MYO9A: variants seen among roughly 807,000 people sequenced by gnomAD.
MYO9A encodes the protein unconventional myosin-IXa.
Under a neutral mutation model 293.3 loss-of-function variants are expected in MYO9A, and 103 were observed. The observed-to-expected ratio is 0.35, with a 90% CI of 0.30 to 0.41. The LOEUF is 0.41. Ranked by LOEUF, MYO9A falls within the 10% of genes least tolerant of loss-of-function variation. The pLI, the probability that MYO9A is intolerant of heterozygous loss-of-function variation, is 1.00. For synonymous variants in MYO9A, 1,001 were observed against 1,035.7 expected (o/e 0.97, Z 0.64); for missense variants, 2,685 against 3,033.0 (o/e 0.89, Z 2.69).
chr15:71,832,351 T>A (rs2054762503), intron 39 of MYO9A, among the ~76,000 whole-genome samples: 1 of 151,874 alleles, frequency 6.6e-6, no homozygotes, highest in African/African-American at 2.4e-5. Flanking sequence ...ACCTAGGAAT[T>A]TAAGAAAGCC....
At chr15:72,030,949 C>G (rs1187921776) in intron 3 of MYO9A, among the ~76,000 whole-genome samples, 1 of 152,200 alleles carries the variant, frequency 6.6e-6, no homozygotes, top group East Asian at 1.9e-4. Context: ...GGCTACGCAG[C>G]AGGAGGTAAG....
At chr15:72,074,951 C>CTTTTTTTTTTTTTTTT (rs750462703) in intron 1 of MYO9A, among the ~76,000 whole-genome samples, 6 of 53,110 alleles carry the variant, frequency 1.1e-4, no homozygotes, top group Admixed American at 3.6e-4. Flanking sequence ...TTTTCACTGC[C>CTTTTTTTTTTTTTTTT]TTTTTTTTTT....
chr15:72,023,785 A>C (rs562286438), intron 4 of MYO9A, among the ~76,000 whole-genome samples: 1 of 152,166 alleles, frequency 6.6e-6, no homozygotes, highest in Non-Finnish European at 1.5e-5. Context: ...AGAATACTTG[A>C]AAAAACAATT....
chr15:71,925,362 T>TATAC (rs1404003232), intron 18 of MYO9A, among the ~76,000 whole-genome samples: 1 of 151,208 alleles, frequency 6.6e-6, no homozygotes, highest in Non-Finnish European at 1.5e-5. Context: ...TACATGTATA[T>TATAC]ATACATATAT....
Position 72,008,059 on chromosome 15 carries a change from G to C in MYO9A, c.1254-107C>G, listed in dbSNP as rs989531323. On this transcript the variant is annotated intron_variant, in intron 7 of 41. Transcript: ENST00000356056. ...TTAACCTACAAATATGAAGTATTTAGTCTTTGGAAAATAAGCAATATGGGA... is the reference window on the plus strand; with the variant it reads ...TTAACCTACAAATATGAAGTATTTACTCTTTGGAAAATAAGCAATATGGGA... 7 of 1,336,556 alleles carry C rather than the reference G, an allele frequency of 5.2e-6. No individual in the cohort carries two copies. In the African/African-American group the frequency reaches 1.0e-4, roughly 20 times the overall value. The allele number at this position is 1,336,556 out of a possible 1,614,324, so 82.8% of individuals were successfully genotyped here.
chr15:71,869,292 T>C (rs577309694), intron 32 of MYO9A, among the ~76,000 whole-genome samples: 47 of 152,304 alleles, frequency 3.1e-4, no homozygotes, highest in African/African-American at 1.1e-3. Flanking sequence ...AGATATCATA[T>C]ATCTCCTGAT....
At chr15:71,856,792 G>T (rs866111165) in intron 34 of MYO9A, among the ~76,000 whole-genome samples, 21 of 152,128 alleles carry the variant, frequency 1.4e-4, no homozygotes, top group Non-Finnish European at 2.9e-4. Context: ...GTCTAAGGCA[G>T]AATAGGACAC....
intron 1 of MYO9A, among the ~76,000 whole-genome samples, chr15:72,082,662 T>C (rs769236322): frequency 6.6e-6 from 1 of 152,018 alleles, no homozygotes; most frequent in Non-Finnish European, 1.5e-5. Context: ...TGCAGTATGA[T>C]GTTGGCTGTG....
At position 72,026,295 on chromosome 15, in the gene MYO9A, A is replaced by G. The variant is rs1161558981; in HGVS notation, c.998+1436T>C. Among the ~76,000 whole-genome samples, 78 of 118,220 alleles carry G rather than the reference A, an allele frequency of 6.6e-4. 3 individuals are homozygous for G. The South Asian group carries it at 0.019, about 28-fold the overall frequency. 77.6% of individuals were successfully genotyped at this position (118,220 alleles called of 152,430 possible). On this transcript the variant is annotated intron_variant, in intron 4 of 41. Coordinates refer to ENST00000356056, the MANE Select transcript of MYO9A (RefSeq NM_006901.4). Reference sequence around the variant, plus strand: ...CTCAAGAAAAAAAAAAAAAAAAAAAAAGAAAGAAAAGAAATCACATTTCCA... The same window carrying G: ...CTCAAGAAAAAAAAAAAAAAAAAAAGAGAAAGAAAAGAAATCACATTTCCA...
intron 29 of MYO9A, 104 bp from the exon 30 acceptor site, chr15:71,879,941 T>A (rs2142466057): frequency 1.3e-6 from 1 of 783,474 alleles, no homozygotes; most frequent in Non-Finnish European, 2.1e-6. Flanking sequence ...GTCCTCAAAG[T>A]GCAAGCCACA....
chr15:71,959,887 T>C lies in MYO9A; in HGVS notation c.2182+14A>G. 1.3e-6 allele frequency: 2 copies of C among 1,512,198 alleles called. No homozygotes were observed. Among genetic ancestry groups the C allele is most frequent in the Non-Finnish European group, 1.8e-6 (2 of 1,094,468 alleles). 93.7% of individuals were successfully genotyped at this position (1,512,198 alleles called of 1,614,324 possible). ...AAGATGAAGTATGGTAGAATACTAA[T>C]AACTACTACTTACCAGTTTTTCTGT... On this transcript the variant is annotated intron_variant, in intron 14 of 41. Transcript: ENST00000356056.
chr15:71,880,428 C>T lies in MYO9A; in HGVS notation c.5529G>A (p.Val1843=). Reference sequence around the variant, plus strand: ...TTTGCCAATGCATAGAATCCAAAGCCACGTTGCTAATCTTCACACTTCGCT... The same window carrying T: ...TTTGCCAATGCATAGAATCCAAAGCTACGTTGCTAATCTTCACACTTCGCT... ...KRKRSVKISN[V]ALDSMHWQND... The change falls in exon 29 of 42, where the codon GTG becomes GTA. Residue 1843 remains valine (V), a synonymous_variant. Coordinates refer to ENST00000356056, the MANE Select transcript of MYO9A (RefSeq NM_006901.4). 6.2e-7 allele frequency: 1 copy of T among 1,614,216 alleles called. No homozygotes were observed. The highest frequency in any genetic ancestry group is 8.5e-7 in the Non-Finnish European group (1 of 1,180,026).
chr15:71,961,848 T>A (rs2075754266), intron 13 of MYO9A, among the ~76,000 whole-genome samples: 1 of 152,120 alleles, frequency 6.6e-6, no homozygotes, highest in African/African-American at 2.4e-5. Context: ...GCCTTCCGTG[T>A]ACCTGTGAGT....
chr15:72,007,865 A>G lies in MYO9A; in HGVS notation c.1341T>C (p.Cys447=). ...AGACAATAGGCAGAACTTCAGGATT[A>G]CAGATATCAATGGAGTCATCCCGGT... ...KTYRDDSIDI[C]NPEVLPIVSE... is the part of the protein sequence containing the mutation. Residue 447 remains cysteine (C), a synonymous_variant, in exon 8 of 42, where the codon TGT becomes TGC. Coordinates refer to ENST00000356056, the MANE Select transcript of MYO9A (RefSeq NM_006901.4). The G allele has an allele frequency of 6.2e-7, 1 of 1,613,442 alleles. No individual in the cohort carries two copies. Among genetic ancestry groups the G allele is most frequent in the South Asian group, 1.1e-5 (1 of 91,022 alleles).
chr15:71,917,527 T>A lies in MYO9A; in HGVS notation c.2563-1035A>T, dbSNP rs566845331. Among the ~76,000 whole-genome samples, 4 of 152,188 alleles carry A rather than the reference T, an allele frequency of 2.6e-5. No individual in the cohort carries two copies. In the South Asian group the frequency reaches 8.3e-4, roughly 32 times the overall value. On this transcript the variant is annotated intron_variant, in intron 18 of 41. Coordinates refer to ENST00000356056, the MANE Select transcript of MYO9A (RefSeq NM_006901.4). The stretch of plus-strand genomic sequence containing the variant: ...ACCAGCCCGGGCAACAGTGAGAGAC[T>A]CTGTCAAAAACAAAAAACAAAAAAA...
chr15:71,956,326 A>ATATATATATATATATATATATAT (rs1371050523), intron 14 of MYO9A, among the ~76,000 whole-genome samples: 1 of 9,884 alleles, frequency 1.0e-4, no homozygotes, highest in African/African-American at 1.8e-4. Context: ...AAAAAAAAAA[A>ATATATATATATATATATATATAT]AAAAATATAT....
chr15:71,922,740 C>T (rs2058187816), intron 18 of MYO9A, among the ~76,000 whole-genome samples: 1 of 152,152 alleles, frequency 6.6e-6, no homozygotes, highest in African/African-American at 2.4e-5. Context: ...AATTAGCATT[C>T]ATTAAGTAGC....
intron 1 of MYO9A, among the ~76,000 whole-genome samples, chr15:72,051,032 CTTTAT>C (rs2078544800): frequency 6.6e-6 from 1 of 152,124 alleles, no homozygotes; most frequent in Admixed American, 6.5e-5. Context: ...CATTAACTCA[CTTTAT>C]TTTGTTGTTG....
chr15:71,997,895 T>C (rs1001487117), intron 9 of MYO9A, among the ~76,000 whole-genome samples: 1 of 152,056 alleles, frequency 6.6e-6, no homozygotes, highest in East Asian at 1.9e-4. Flanking sequence ...ATTTCAACCA[T>C]TGGGGAAGAC....
Sources: allele counts gnomAD v4.1 joint callset (sites outside exome capture counted in the v4.1 genomes callset), GRCh38; gene constraint gnomAD v4.1.1; transcripts MANE v1.5; gene names NCBI Gene and HGNC (gene_info 2026-07-23, HGNC 2026-07-21).